Variants in CDH9 observed in about 807,000 individuals in gnomAD.
CDH9 encodes the protein cadherin 9.
CDH9 carries 28 observed loss-of-function variants against 70.9 expected under a neutral mutation model. The observed-to-expected ratio is 0.40, with a 90% CI of 0.29 to 0.54. CDH9 has a LOEUF of 0.54. Among genes scored for constraint, CDH9 ranks in the 20% least tolerant of loss-of-function variants. The pLI is 0.59. For synonymous variants in CDH9, 409 were observed against 343.1 expected (o/e 1.19, Z -2.12); for missense variants, 874 against 984.4 (o/e 0.89, Z 1.50).
intron 7 of CDH9, among the ~76,000 whole-genome samples, chr5:26,895,497 G>T (rs1740733701): frequency 6.6e-6 from 1 of 151,916 alleles, no homozygotes; most frequent in Admixed American, 6.6e-5. Flanking sequence ...AGTTTGTTTT[G>T]TTACTTTTCA....
chr5:26,901,072 C>T (rs189926663), intron 7 of CDH9, among the ~76,000 whole-genome samples: 57 of 151,930 alleles, frequency 3.8e-4, no homozygotes, highest in East Asian at 3.5e-3. Context: ...GGTCATTGGA[C>T]GGCTAGATTA....
intron 3 of CDH9, 142 bp from the exon 4 acceptor site, chr5:26,906,980 A>G (rs1740960268): frequency 7.9e-7 from 1 of 1,264,524 alleles, no homozygotes; most frequent in African/African-American, 1.5e-5. Flanking sequence ...TACTTCCTCA[A>G]AAAAGTTACT....
At chr5:26,952,066 C>G (rs1223314634) in intron 2 of CDH9, among the ~76,000 whole-genome samples, 1 of 150,312 alleles carries the variant, frequency 6.7e-6, no homozygotes, top group African/African-American at 2.4e-5. Context: ...CTGCAACCTC[C>G]GCCTCTCGGG....
At chr5:26,959,925 T>C (rs1742006401) in intron 2 of CDH9, among the ~76,000 whole-genome samples, 1 of 151,886 alleles carries the variant, frequency 6.6e-6, no homozygotes, top group Non-Finnish European at 1.5e-5. Flanking sequence ...GTGATGAAAA[T>C]GTTTTGGAAA....
rs570194287 is a variant in CDH9, at chr5:26,906,703, A to G, written c.643+16T>C. ...GTATTATACAATAAGAAGTCAGCCA[A>G]GTTTAAATGTTGTACCTGATTCTGG... On this transcript the variant is annotated intron_variant, in intron 4 of 11. Coordinates refer to ENST00000231021, the MANE Select transcript of CDH9 (RefSeq NM_016279.4). 2.5e-6 allele frequency: 4 copies of G among 1,611,826 alleles called. No homozygotes were observed. Among genetic ancestry groups the G allele is most frequent in the Non-Finnish European group, 3.4e-6 (4 of 1,179,018 alleles).
chr5:27,017,706 G>A (rs1254492190), intron 1 of CDH9, among the ~76,000 whole-genome samples: 1 of 151,846 alleles, frequency 6.6e-6, no homozygotes, highest in Non-Finnish European at 1.5e-5. Flanking sequence ...ATAAATCAAC[G>A]GAAGACCCAA....
intron 2 of CDH9, among the ~76,000 whole-genome samples, chr5:26,939,467 T>C (rs6872105): frequency 0.076 from 11,569 of 151,518 alleles, 1,517 homozygotes; most frequent in African/African-American, 0.27. Context: ...TTTATACATA[T>C]GTATATATAC....
At chr5:26,999,274 A>G (rs1742723434) in intron 1 of CDH9, among the ~76,000 whole-genome samples, 1 of 152,044 alleles carries the variant, frequency 6.6e-6, no homozygotes, top group Admixed American at 6.6e-5. Context: ...AAGGAAAAAT[A>G]AATATACATG....
intron 2 of CDH9, among the ~76,000 whole-genome samples, chr5:26,918,605 G>T (rs1317647611): frequency 1.3e-5 from 2 of 152,180 alleles, no homozygotes; most frequent in Admixed American, 1.3e-4. Flanking sequence ...GCTAGACTTA[G>T]TAAAGTGGAT....
intron 6 of CDH9, chr5:26,902,977 T>A (rs981105062): frequency 4.6e-4 from 163 of 352,076 alleles, no homozygotes; most frequent in African/African-American, 3.1e-3. Flanking sequence ...TATGCTTCAT[T>A]TTTTTGGTGA....
chr5:26,990,152 C>T (rs1579498090), intron 1 of CDH9, among the ~76,000 whole-genome samples: 1 of 152,106 alleles, frequency 6.6e-6, no homozygotes, highest in African/African-American at 2.4e-5. Context: ...ATCATCACAA[C>T]CATCATCATT....
chr5:26,905,821 TGGTAGAGG>T, intron 5 of CDH9, 130 bp downstream of exon 5: 1 of 616,772 alleles, frequency 1.6e-6, no homozygotes, highest in Admixed American at 2.8e-5. Context: ...GTTTTTTTTT[TGGTAGAGG>T]AATGGATTAT....
chr5:27,018,317 C>T (rs898935172), intron 1 of CDH9, among the ~76,000 whole-genome samples: 1 of 151,494 alleles, frequency 6.6e-6, no homozygotes, highest in African/African-American at 2.4e-5. Context: ...TAAATACATA[C>T]ACACATACAT....
intron 8 of CDH9, 145 bp downstream of exon 8, chr5:26,890,283 A>T: frequency 1.5e-6 from 1 of 669,568 alleles, no homozygotes; most frequent in Non-Finnish European, 2.6e-6. Context: ...AAATAATTTA[A>T]AAATGTGTTG....
chr5:26,957,060 A>AT (rs1741959179), intron 2 of CDH9, among the ~76,000 whole-genome samples: 1 of 105,482 alleles, frequency 9.5e-6, no homozygotes, highest in Non-Finnish European at 2.1e-5. Flanking sequence ...CTGAGTATTT[A>AT]TTTTTTAATT....
At chr5:26,921,101 T>C (rs1241388502) in intron 2 of CDH9, among the ~76,000 whole-genome samples, 1 of 151,766 alleles carries the variant, frequency 6.6e-6, no homozygotes, top group Non-Finnish European at 1.5e-5. Context: ...TTTGTTAGAG[T>C]AGGCAGATAG....
chr5:26,931,921 A>G (rs1267972931), intron 2 of CDH9, among the ~76,000 whole-genome samples: 1 of 152,126 alleles, frequency 6.6e-6, no homozygotes, highest in African/African-American at 2.4e-5. Flanking sequence ...GATAATGGTG[A>G]CCTGTTTCAA....
chr5:26,924,219 C>T (rs985978985), intron 2 of CDH9, among the ~76,000 whole-genome samples: 8 of 151,648 alleles, frequency 5.3e-5, no homozygotes, highest in East Asian at 3.9e-4. Flanking sequence ...TGACATATTA[C>T]GACTGAGACC....
rs1359181153 is a variant in CDH9, at chr5:26,978,966, T to C, written c.228+9140A>G. On this transcript the variant is annotated intron_variant, in intron 2 of 11. Coordinates refer to ENST00000231021, the MANE Select transcript of CDH9 (RefSeq NM_016279.4). ...CTATTAACGAAAAGCTAAGAAAACT[T>C]GTTTCCAGCAGACCCACACTACAAG... Among the ~76,000 whole-genome samples, 3 of 151,726 alleles carry C rather than the reference T, an allele frequency of 2.0e-5. No individual in the cohort carries two copies. The East Asian group carries it at 5.8e-4, about 29-fold the overall frequency.
Sources: gnomAD v4.1 joint callset for allele counts (sites outside exome capture counted in the v4.1 genomes callset) on GRCh38, gnomAD v4.1.1 for gene constraint, MANE v1.5 for transcripts, NCBI Gene and HGNC (gene_info 2026-07-23, HGNC 2026-07-21) for gene names.